The following ABTB2 variants were observed in gnomAD, a reference collection of about 807,000 sequenced individuals.
ABTB2 encodes ankyrin repeat and BTB domain containing 2, also known as ankyrin repeat and BTB/POZ domain-containing protein 2.
ABTB2 carries 56 observed loss-of-function variants against 104.1 expected under a neutral mutation model. That is an observed-to-expected ratio of 0.54 (90% confidence interval 0.43 to 0.67). The LOEUF is 0.67. Ranked by LOEUF, ABTB2 falls within the 30% of genes least tolerant of loss-of-function variation. ABTB2 has a pLI of 0.00. For synonymous variants in ABTB2, 606 were observed against 608.2 expected (o/e 1.00, Z 0.05); for missense variants, 1,279 against 1,407.7 (o/e 0.91, Z 1.46).
At chr11:34,175,518 T>C (rs986861113) in intron 3 of ABTB2, among the ~76,000 whole-genome samples, 1 of 152,230 alleles carries the variant, frequency 6.6e-6, no homozygotes, top group Non-Finnish European at 1.5e-5. Flanking sequence ...TTCTACTAAA[T>C]GCATATCGCT....
At chr11:34,305,557 G>A (rs1156828382) in intron 1 of ABTB2, among the ~76,000 whole-genome samples, 2 of 152,196 alleles carry the variant, frequency 1.3e-5, no homozygotes, top group East Asian at 1.9e-4. Context: ...TGGCTTTGGA[G>A]CTTGACAGGA....
At chr11:34,317,695 G>A (rs533554337) in intron 1 of ABTB2, among the ~76,000 whole-genome samples, 2 of 150,196 alleles carry the variant, frequency 1.3e-5, no homozygotes, top group South Asian at 4.2e-4. Context: ...CTGGGAGGCG[G>A]AGGTTGCAGT....
chr11:34,179,979 C>CA (rs1853006655), intron 3 of ABTB2, among the ~76,000 whole-genome samples: 1 of 152,310 alleles, frequency 6.6e-6, no homozygotes, highest in South Asian at 2.1e-4. Context: ...TACTTACCAT[C>CA]ATATTTGGAA....
At chr11:34,237,342 A>C (rs1445564252) in intron 1 of ABTB2, among the ~76,000 whole-genome samples, 2 of 135,028 alleles carry the variant, frequency 1.5e-5, no homozygotes, top group Middle Eastern at 4.0e-3. Context: ...CAGTGGCGCC[A>C]TCTCAGCTCA....
At chr11:34,172,608 A>G (rs1852898832) in intron 4 of ABTB2, among the ~76,000 whole-genome samples, 1 of 151,870 alleles carries the variant, frequency 6.6e-6, no homozygotes, top group African/African-American at 2.4e-5. Flanking sequence ...GGCCGTATGG[A>G]CCTGGGTTCA....
chr11:34,174,197 C>A (rs961497978), intron 3 of ABTB2, among the ~76,000 whole-genome samples: 2 of 151,960 alleles, frequency 1.3e-5, no homozygotes, highest in Non-Finnish European at 2.9e-5. Flanking sequence ...TGGTGGCGGG[C>A]GCCTGTAGTC....
intron 3 of ABTB2, among the ~76,000 whole-genome samples, chr11:34,180,474 A>G (rs1279194554): frequency 1.3e-5 from 2 of 152,224 alleles, no homozygotes; most frequent in Non-Finnish European, 1.5e-5. Flanking sequence ...CCTAACCTAA[A>G]TACCGTCATA....
rs1358510534 is a variant in ABTB2, at chr11:34,176,017, C to A, written c.1245-2710G>T. Among the ~76,000 whole-genome samples, 8 of 152,192 alleles carry A rather than the reference C, an allele frequency of 5.3e-5. No homozygotes were observed. In the South Asian group the frequency reaches 1.4e-3, roughly 28 times the overall value. ...AAAAGGGGGGCTGGGTGCGGTGGCT[C>A]ACGCCTGTAATCCCAGCACTTTGGT... On this transcript the variant is annotated intron_variant, in intron 3 of 16. Coordinates refer to ENST00000435224, the MANE Select transcript of ABTB2 (RefSeq NM_145804.3).
intron 16 of ABTB2, among the ~76,000 whole-genome samples, chr11:34,153,845 C>A (rs1171042945): frequency 2.6e-5 from 4 of 152,134 alleles, no homozygotes; most frequent in African/African-American, 9.7e-5. Flanking sequence ...TTTTGCAAAT[C>A]AAATATGATT....
intron 1 of ABTB2, among the ~76,000 whole-genome samples, chr11:34,281,121 G>A (rs1854444204): frequency 6.6e-6 from 1 of 152,128 alleles, no homozygotes; most frequent in Non-Finnish European, 1.5e-5. Context: ...CCAAACCACT[G>A]TCTCAGCAAG....
At position 34,165,322 on chromosome 11, in the gene ABTB2, G is replaced by A. The variant is rs1373945369; in HGVS notation, c.1790C>T (p.Ser597Leu). 1 of 1,585,566 alleles carries A rather than the reference G, an allele frequency of 6.3e-7. No individual in the cohort carries two copies. Among genetic ancestry groups the A allele is most frequent in the Non-Finnish European group, 8.6e-7 (1 of 1,166,722 alleles). ...GCTGTCCTCGCCGCCGTTCACTGCC[G>A]AGCCCTCGACATGGGCACCAGCATC... ...LLDAGAHVEG[S>L]AVNGGEDSYA... The change falls in exon 8 of 17, where the codon TCG (serine) becomes TTG (leucine). Residue 597 changes from serine (S) to leucine (L), a missense_variant. Transcript: ENST00000435224.
intron 1 of ABTB2, among the ~76,000 whole-genome samples, chr11:34,250,644 G>A (rs776919769): frequency 3.9e-5 from 6 of 152,190 alleles, no homozygotes; most frequent in Non-Finnish European, 7.3e-5. Flanking sequence ...GCAGAAAGAC[G>A]CTTCATCATT....
At position 34,164,778 on chromosome 11, in the gene ABTB2, G is replaced by T; in HGVS notation, c.1896C>A (p.Asp632Glu). The T allele has an allele frequency of 1.3e-6, 2 of 1,575,998 alleles. No individual in the cohort carries two copies. The highest frequency in any genetic ancestry group is 1.7e-6 in the Non-Finnish European group (2 of 1,167,856). The change falls in exon 9 of 17, where the codon GAC (aspartate) becomes GAA (glutamate). Residue 632 changes from aspartate to glutamate, a missense_variant. By Grantham distance (45) the Asp-to-Glu change is conservative (BLOSUM62 2). Transcript: ENST00000435224. ...LVSLLLSRGA[D>E]PLLSMLEAHG... ...GGGCCTCCAGCATGCTGAGGAGGGG[G>T]TCGGCGCCTCGGCTCAGCAACAAAC... is the stretch of plus-strand genomic sequence containing the variant.
chr11:34,248,086 T>G (rs1854006483), intron 1 of ABTB2, among the ~76,000 whole-genome samples: 1 of 97,214 alleles, frequency 1.0e-5, no homozygotes, highest in African/African-American at 4.9e-5. Context: ...TACTTATCTA[T>G]AATTTTTCTT....
intron 5 of ABTB2, among the ~76,000 whole-genome samples, chr11:34,168,246 A>G (rs1253897123): frequency 1.3e-5 from 2 of 152,208 alleles, no homozygotes; most frequent in Non-Finnish European, 2.9e-5. Flanking sequence ...CTCGGTGCCA[A>G]GGTCTCCTCT....
At chr11:34,297,854 G>C (rs1590246147) in intron 1 of ABTB2, among the ~76,000 whole-genome samples, 1 of 151,856 alleles carries the variant, frequency 6.6e-6, no homozygotes, top group Non-Finnish European at 1.5e-5. Flanking sequence ...TTAAAAGGTG[G>C]GGCCTTTTAA....
intron 1 of ABTB2, among the ~76,000 whole-genome samples, chr11:34,229,350 G>A (rs548232829): frequency 1.9e-4 from 28 of 149,834 alleles, no homozygotes; most frequent in East Asian, 1.2e-3. Flanking sequence ...GTGTGGTGGC[G>A]GGCGCCTGTA....
chr11:34,183,089 T>G (rs1399385887), intron 3 of ABTB2, among the ~76,000 whole-genome samples: 1 of 152,174 alleles, frequency 6.6e-6, no homozygotes. Context: ...CAATTTGTCA[T>G]GCAAACTGGA....
intron 1 of ABTB2, among the ~76,000 whole-genome samples, chr11:34,248,096 TAA>T (rs1157412906): frequency 6.9e-5 from 8 of 116,250 alleles, no homozygotes; most frequent in East Asian, 2.6e-4. Flanking sequence ...TAATTTTTCT[TAA>T]AAAAAAAAAA....
Sources: allele counts gnomAD v4.1 joint callset (sites outside exome capture counted in the v4.1 genomes callset), GRCh38; gene constraint gnomAD v4.1.1; transcripts MANE v1.5; gene names NCBI Gene and HGNC (gene_info 2026-07-23, HGNC 2026-07-21).